The following MGAM variants were observed in gnomAD, a reference collection of about 807,000 sequenced individuals.
MGAM encodes maltase-glucoamylase.
A neutral mutation model predicts 358.8 loss-of-function variants in MGAM; 253 were observed. The ratio of observed to expected loss-of-function variants is 0.71; its 90% CI spans 0.64 to 0.78. MGAM has a LOEUF of 0.78. MGAM is among the 30% of genes least tolerant of loss of function. MGAM has a pLI of 0.00. For missense variants in MGAM, 3,080 were observed against 3,432.6 expected (o/e 0.90, Z 2.57); for synonymous variants, 1,105 against 1,227.1 (o/e 0.90, Z 2.08).
intron 67 of MGAM, 41 bp downstream of exon 67, chr7:142,099,778 G>T (rs746161061): frequency 6.2e-7 from 1 of 1,605,484 alleles, no homozygotes; most frequent in East Asian, 2.2e-5. Context: ...ATGTCAGTTA[G>T]CTCAACAATT....
chr7:142,030,215 A>C (rs1215146503), intron 10 of MGAM, 147 bp from the exon 11 acceptor site: 1 of 851,616 alleles, frequency 1.2e-6, no homozygotes, highest in African/African-American at 1.7e-5. Flanking sequence ...ATTGGAAAAG[A>C]AGTACTCAGA....
In MGAM at chr7:142,051,866, A is replaced by T. The variant is rs1161009508; in HGVS notation, c.2806-428A>T. On this transcript the variant is annotated intron_variant, in intron 24 of 70. Coordinates refer to ENST00000475668, the MANE Select transcript of MGAM (RefSeq NM_001365693.1). Reference sequence around the variant, plus strand: ...CATTCTACAGAAATGTGGGCATGATAACCAGGTCATATGATTCTTATTGCT... The same window carrying T: ...CATTCTACAGAAATGTGGGCATGATTACCAGGTCATATGATTCTTATTGCT... Among the ~76,000 whole-genome samples, 7 of 152,298 alleles carry T rather than the reference A, an allele frequency of 4.6e-5. No homozygotes were observed. The South Asian group carries it at 1.5e-3, about 32-fold the overall frequency.
Position 142,025,102 on chromosome 7 carries a change from C to T in MGAM, c.935C>T (p.Ala312Val). 1.2e-6 allele frequency: 2 copies of T among 1,613,568 alleles called. No homozygotes were observed. The highest frequency in any genetic ancestry group is 2.2e-5 in the South Asian group (2 of 91,080). Residue 312 changes from alanine (A) to valine (V), a missense_variant, in exon 8 of 71, where the codon GCT becomes GTT. By Grantham distance (64) the Ala-to-Val change is moderately conservative. This residue lies in a region of MGAM where 1,816 missense variants were observed against 1,840.5 expected (regional missense o/e 0.99). Coordinates refer to ENST00000475668, the MANE Select transcript of MGAM (RefSeq NM_001365693.1). ...ACATTCTTCTTGTGCCTTGAAGATG[C>T]TAGTGGATTGTCCTTTGGGGTGTTT... The part of the protein sequence containing the change: ...AQTFFLCLED[A>V]SGLSFGVFLM...
Position 142,059,331 on chromosome 7 carries a change from C to A in MGAM, c.3820-141C>A. ...TTAAGTGTATTTCCCAGCACCTGTA[C>A]CTAACAAATGGCAGAGCTGGGATTT... is the stretch of plus-strand genomic sequence containing the variant. On this transcript the variant is annotated intron_variant, in intron 31 of 70. Coordinates refer to ENST00000475668, the MANE Select transcript of MGAM (RefSeq NM_001365693.1). 3 of 1,392,310 alleles carry A rather than the reference C, an allele frequency of 2.2e-6. No individual in the cohort carries two copies. In the South Asian group the frequency reaches 4.5e-5, roughly 21 times the overall value. The allele number at this position is 1,392,310 out of a possible 1,614,324, so 86.2% of individuals were successfully genotyped here.
chr7:142,018,750 A>T (rs533036434), intron 3 of MGAM, among the ~76,000 whole-genome samples: 1 of 152,176 alleles, frequency 6.6e-6, no homozygotes, highest in Non-Finnish European at 1.5e-5. Flanking sequence ...AATCCATATA[A>T]ATGTAAGGCA....
At chr7:142,075,609 T>C (rs1425155276) in intron 45 of MGAM, among the ~76,000 whole-genome samples, 3 of 146,018 alleles carry the variant, frequency 2.1e-5, no homozygotes, top group African/African-American at 7.3e-5. Context: ...ATGACCCAAT[T>C]AAAAAGTGGG....
Position 142,065,480 on chromosome 7 carries a change from C to CT in MGAM, c.4618+14dup. 6.2e-7 allele frequency: 1 copy of CT among 1,613,148 alleles called. No homozygotes were observed. Among genetic ancestry groups the CT allele is most frequent in the Non-Finnish European group, 8.5e-7 (1 of 1,179,508 alleles). On this transcript the variant is annotated intron_variant, in intron 38 of 70. Transcript: ENST00000475668. ...GAAGTCTATCATTGGTGCGTGGGTCCTTCCCCAGGGCCTTTGCCGACAGGG... is the reference window on the plus strand; with the variant it reads ...GAAGTCTATCATTGGTGCGTGGGTCCTTTCCCCAGGGCCTTTGCCGACAGGG...
intron 2 of MGAM, among the ~76,000 whole-genome samples, chr7:142,007,457 A>G (rs182811676): frequency 1.3e-3 from 200 of 152,188 alleles, no homozygotes; most frequent in African/African-American, 4.6e-3. Flanking sequence ...TGTTACAACA[A>G]TATCTACTTT....
intron 34 of MGAM, among the ~76,000 whole-genome samples, chr7:142,060,993 C>A (rs1812136839): frequency 6.6e-6 from 1 of 152,036 alleles, no homozygotes; most frequent in African/African-American, 2.4e-5. Context: ...CCAAGTAGTC[C>A]ATGCTTCTGG....
At chr7:142,042,972 A>G (rs1257808009) in intron 21 of MGAM, among the ~76,000 whole-genome samples, 1 of 71,294 alleles carries the variant, frequency 1.4e-5, no homozygotes, top group Non-Finnish European at 2.4e-5. Context: ...ATATCTAAAT[A>G]TAATATATAT....
chr7:142,052,165 T>G, intron 24 of MGAM, 129 bp from the exon 25 acceptor site: 1 of 780,080 alleles, frequency 1.3e-6, no homozygotes, highest in Non-Finnish European at 2.0e-6. Flanking sequence ...TAAGCTAAAG[T>G]CATATGTTGC....
At chr7:142,100,350 T>G (rs1417004774) in intron 67 of MGAM, among the ~76,000 whole-genome samples, 1 of 152,240 alleles carries the variant, frequency 6.6e-6, no homozygotes, top group Non-Finnish European at 1.5e-5. Context: ...GAATGCGGAC[T>G]AAAATTCACA....
intron 7 of MGAM, 50 bp from the exon 8 acceptor site, chr7:142,025,000 T>C: frequency 7.5e-7 from 1 of 1,341,664 alleles, no homozygotes; most frequent in Non-Finnish European, 1.1e-6. Context: ...CACAGTGTGA[T>C]GCTGAGACTT....
upstream of MGAM, among the ~76,000 whole-genome samples, chr7:141,994,652 A>G (rs1283295304): frequency 3.3e-5 from 5 of 152,188 alleles, no homozygotes; most frequent in Non-Finnish European, 5.9e-5. Context: ...CATAATCCCC[A>G]TGTGTCAAGG....
At chr7:142,022,715 C>A (rs1250576148) in intron 7 of MGAM, among the ~76,000 whole-genome samples, 1 of 152,058 alleles carries the variant, frequency 6.6e-6, no homozygotes, top group Admixed American at 6.6e-5. Context: ...GAATGGCTGC[C>A]AGAAAGAAGG....
intron 21 of MGAM, among the ~76,000 whole-genome samples, chr7:142,046,547 A>G (rs978298388): frequency 6.6e-6 from 1 of 152,100 alleles, no homozygotes; most frequent in African/African-American, 2.4e-5. Context: ...TAGGCTTAGT[A>G]GCCCAATTTT....
intron 21 of MGAM, among the ~76,000 whole-genome samples, chr7:142,042,630 T>G (rs1466313632): frequency 6.6e-5 from 1 of 15,058 alleles, no homozygotes; most frequent in Non-Finnish European, 1.2e-4. Flanking sequence ...TATATACATA[T>G]TATATATAAT....
At chr7:141,987,384 A>C (rs1803759916) in intron 2 of MGAM, among the ~76,000 whole-genome samples, 1 of 152,184 alleles carries the variant, frequency 6.6e-6, no homozygotes, top group South Asian at 2.1e-4. Context: ...TCTGTATCTT[A>C]ATAACATGCC....
At chr7:141,993,845 T>C (rs1442608323), upstream of MGAM, among the ~76,000 whole-genome samples, 1 of 152,232 alleles carries the variant, frequency 6.6e-6, no homozygotes, top group Non-Finnish European at 1.5e-5. Flanking sequence ...CTATTAGACA[T>C]ATCGCTTTAT....
Sources: gnomAD v4.1 joint callset for allele counts (sites outside exome capture counted in the v4.1 genomes callset) on GRCh38, gnomAD v4.1.1 for gene constraint, gnomAD v4.1.1 regional missense constraint, MANE v1.5 for transcripts, NCBI Gene and HGNC (gene_info 2026-07-23, HGNC 2026-07-21) for gene names.